PRSS12: variants seen among roughly 807,000 people sequenced by gnomAD.
PRSS12 encodes the protein serine protease 12.
Under a neutral mutation model 104.4 loss-of-function variants are expected in PRSS12, and 85 were observed. That is an observed-to-expected ratio of 0.81 (90% CI 0.68 to 0.98). The LOEUF (loss-of-function observed/expected upper bound fraction) is 0.98, where lower values mean the gene tolerates loss of function less well. Ranked by LOEUF, PRSS12 falls within the 50% of genes least tolerant of loss-of-function variation. PRSS12 has a pLI of 0.00. For missense variants in PRSS12, 1,141 were observed against 1,139.2 expected, an observed-to-expected ratio of 1.00 and a Z score of -0.02; for synonymous variants, 454 against 425.2, an observed-to-expected ratio of 1.07 and a Z score of -0.83.
chr4:118,296,597 T>C (rs560672717), intron 9 of PRSS12, among the ~76,000 whole-genome samples: 3 of 152,204 alleles, frequency 2.0e-5, no homozygotes, highest in Non-Finnish European at 4.4e-5. Flanking sequence ...TAAATATATG[T>C]GTATAAAGTA....
chr4:118,293,534 A>G (rs993484684), intron 11 of PRSS12, among the ~76,000 whole-genome samples: 3 of 152,208 alleles, frequency 2.0e-5, no homozygotes, highest in African/African-American at 7.2e-5. Context: ...TGTAACACCT[A>G]ACAACAAAGA....
chr4:118,352,795 G>T lies in PRSS12; in HGVS notation c.-75C>A. ...GGAGCGGAGAAGAGGAGGGGGCGGG[G>T]GCGGGGCTGCCGCGTCCCTCGAATC... On this transcript the variant is annotated 5_prime_UTR_variant, in exon 1 of 13. Coordinates refer to ENST00000296498, the MANE Select transcript of PRSS12 (RefSeq NM_003619.4). 6.3e-7 allele frequency: 1 copy of T among 1,579,778 alleles called. No homozygotes were observed. Among genetic ancestry groups the T allele is most frequent in the Non-Finnish European group, 8.6e-7 (1 of 1,167,064 alleles).
At chr4:118,297,812 T>C (rs1293138066) in intron 9 of PRSS12, among the ~76,000 whole-genome samples, 1 of 152,088 alleles carries the variant, frequency 6.6e-6, no homozygotes, top group Non-Finnish European at 1.5e-5. Flanking sequence ...CCAAAATAGC[T>C]CATTCTCTCA....
intron 6 of PRSS12, 80 bp downstream of exon 6, chr4:118,316,102 T>C (rs1743900377): frequency 1.3e-6 from 2 of 1,487,366 alleles, no homozygotes; most frequent in Non-Finnish European, 1.9e-6. Flanking sequence ...ATTATAAAAA[T>C]TACAAGTAGG....
chr4:118,326,435 CA>C (rs1241457085), intron 4 of PRSS12, among the ~76,000 whole-genome samples: 1 of 152,176 alleles, frequency 6.6e-6, no homozygotes, highest in Non-Finnish European at 1.5e-5. Flanking sequence ...AACAGAGGCT[CA>C]AAAGTTAAAT....
At chr4:118,350,667 G>C (rs1270180108) in intron 1 of PRSS12, among the ~76,000 whole-genome samples, 2 of 152,140 alleles carry the variant, frequency 1.3e-5, no homozygotes, top group East Asian at 3.8e-4. Flanking sequence ...TACATTTCTA[G>C]TCAACTGAAG....
chr4:118,352,734 C>T lies in PRSS12; in HGVS notation c.-14G>A. On this transcript the variant is annotated 5_prime_UTR_variant, in exon 1 of 13. Coordinates refer to ENST00000296498, the MANE Select transcript of PRSS12 (RefSeq NM_003619.4). ...GGCGAGCGTCATGGTGCCAGCGCTGCGGGGTCTGGTCCATGCTCCCCAGCT... is the reference window on the plus strand; with the variant it reads ...GGCGAGCGTCATGGTGCCAGCGCTGTGGGGTCTGGTCCATGCTCCCCAGCT... 1.3e-6 allele frequency: 2 copies of T among 1,577,148 alleles called. No individual in the cohort carries two copies. Among genetic ancestry groups the T allele is most frequent in the Non-Finnish European group, 1.7e-6 (2 of 1,158,244 alleles).
chr4:118,347,684 TTG>T (rs1356232285), intron 1 of PRSS12, among the ~76,000 whole-genome samples: 1 of 152,120 alleles, frequency 6.6e-6, no homozygotes, highest in Non-Finnish European at 1.5e-5. Flanking sequence ...TCGTGTTTTG[TTG>T]TGTTTGTTTT....
At position 118,281,634 on chromosome 4, in the gene PRSS12, C is replaced by T; in HGVS notation, c.*302G>A. The T allele has an allele frequency of 2.4e-6, 1 of 410,554 alleles. No individual in the cohort carries two copies. Among genetic ancestry groups the T allele is most frequent in the Non-Finnish European group, 4.5e-6 (1 of 220,544 alleles). 25.4% of individuals were successfully genotyped at this position (410,554 alleles called of 1,614,324 possible). A position where few individuals can be genotyped will look rare whatever the true frequency, so the allele number is the denominator to read the frequency against. ...TTCTCAGTTCAAATGTAAAAATGAT[C>T]TTTTGTAAAATCAGCATAGAATGAT... On this transcript the variant is annotated 3_prime_UTR_variant, in exon 13 of 13. Transcript: ENST00000296498.
chr4:118,291,516 T>A (rs1365291543), intron 11 of PRSS12, among the ~76,000 whole-genome samples: 1 of 152,196 alleles, frequency 6.6e-6, no homozygotes, highest in Non-Finnish European at 1.5e-5. Flanking sequence ...AAAAATTATC[T>A]TATCTCCCTT....
chr4:118,331,384 C>T (rs1441400660), intron 4 of PRSS12, among the ~76,000 whole-genome samples: 1 of 152,164 alleles, frequency 6.6e-6, no homozygotes, highest in Non-Finnish European at 1.5e-5. Context: ...AAGCTAACAA[C>T]CAGTTTTTCA....
At chr4:118,326,007 C>G (rs1442894877) in intron 4 of PRSS12, among the ~76,000 whole-genome samples, 1 of 152,066 alleles carries the variant, frequency 6.6e-6, no homozygotes, top group African/African-American at 2.4e-5. Context: ...TGTATTAATA[C>G]AAAATTTTTG....
chr4:118,332,813 G>A (rs1723961881), intron 3 of PRSS12, among the ~76,000 whole-genome samples: 1 of 152,040 alleles, frequency 6.6e-6, no homozygotes, highest in South Asian at 2.1e-4. Context: ...AAAATAATTG[G>A]CAACATCTAT....
In PRSS12 at chr4:118,313,328, G is replaced by C; in HGVS notation, c.1362C>G (p.Ser454Arg). 1 of 1,614,116 alleles carries C rather than the reference G, an allele frequency of 6.2e-7. No individual in the cohort carries two copies. Among genetic ancestry groups the C allele is most frequent in the South Asian group, 1.1e-5 (1 of 91,084 alleles). The change falls in exon 7 of 13, where the codon AGC becomes AGG. Residue 454 changes from serine (S) to arginine (R), a missense_variant. Physicochemically the swap from Ser to Arg is moderately radical, Grantham distance 110. Coordinates refer to ENST00000296498, the MANE Select transcript of PRSS12 (RefSeq NM_003619.4). ...GAAATCTGGTTTCCTTTCCTGAGCA[G>C]CTGACGTCATCCAACCATATGGGCC... ...STGPIWLDDVSCSGKETRFLQ... is the reference protein window; with the variant it reads ...STGPIWLDDVRCSGKETRFLQ...
chr4:118,314,460 G>A (rs943477801), intron 6 of PRSS12, among the ~76,000 whole-genome samples: 2 of 151,958 alleles, frequency 1.3e-5, no homozygotes, highest in African/African-American at 4.8e-5. Context: ...AGCCTAAATC[G>A]TATATTGCTC....
At chr4:118,318,293 T>C (rs770422620) in intron 5 of PRSS12, 85 bp downstream of exon 5, 164 of 1,324,130 alleles carry the variant, frequency 1.2e-4, no homozygotes, top group Non-Finnish European at 1.5e-4. Flanking sequence ...TTTGGTAATG[T>C]TGAAATTAAG....
intron 5 of PRSS12, among the ~76,000 whole-genome samples, chr4:118,317,958 A>T (rs879339114): frequency 1.3e-5 from 2 of 152,192 alleles, no homozygotes; most frequent in Non-Finnish European, 2.9e-5. Flanking sequence ...TAGCAAAGTT[A>T]ACTTGGTTTC....
chr4:118,281,733 T>C lies in PRSS12; in HGVS notation c.*203A>G. Reference sequence around the variant, plus strand: ...GTGAAATTAGGGTAGAAAATGTTCATTTAAGGATTATCACTTCCACTACAC... The same window carrying C: ...GTGAAATTAGGGTAGAAAATGTTCACTTAAGGATTATCACTTCCACTACAC... On this transcript the variant is annotated 3_prime_UTR_variant, in exon 13 of 13. Transcript: ENST00000296498. 2 of 603,800 alleles carry C rather than the reference T, an allele frequency of 3.3e-6. No individual in the cohort carries two copies. Among genetic ancestry groups the C allele is most frequent in the Admixed American group, 5.5e-5 (2 of 36,130 alleles). The allele number at this position is 603,800 out of a possible 1,614,324, so 37.4% of individuals were successfully genotyped here.
chr4:118,350,416 A>G (rs1724465600), intron 1 of PRSS12, among the ~76,000 whole-genome samples: 1 of 152,244 alleles, frequency 6.6e-6, no homozygotes, highest in Non-Finnish European at 1.5e-5. Flanking sequence ...GCCCAAGCAG[A>G]CTGGAGAAGT....
Sources: allele counts gnomAD v4.1 joint callset (sites outside exome capture counted in the v4.1 genomes callset), GRCh38; gene constraint gnomAD v4.1.1; transcripts MANE v1.5; gene names NCBI Gene and HGNC (gene_info 2026-07-23, HGNC 2026-07-21).